PDE4D: variants seen among roughly 807,000 people sequenced by gnomAD.
PDE4D encodes the protein 3',5'-cyclic-AMP phosphodiesterase 4D.
A neutral mutation model predicts 87.4 loss-of-function variants in PDE4D; 24 were observed. That is an observed-to-expected ratio of 0.27 (90% confidence interval 0.20 to 0.39). PDE4D has a LOEUF of 0.39. Ranked by LOEUF, PDE4D falls within the 10% of genes least tolerant of loss-of-function variation. The pLI is 1.00. For missense variants in PDE4D, 714 were observed against 1,041.0 expected, an observed-to-expected ratio of 0.69 and a Z score of 4.32; for synonymous variants, 384 against 383.2, an observed-to-expected ratio of 1.00 and a Z score of -0.02.
At chr5:59,627,485 A>T (rs1490327327) in intron 1 of PDE4D, among the ~76,000 whole-genome samples, 1 of 152,174 alleles carries the variant, frequency 6.6e-6, no homozygotes, top group African/African-American at 2.4e-5. Context: ...ATTTTATATA[A>T]GCAATATGCT....
chr5:60,105,947 A>G (rs190200379), intron 2 of PDE4D, among the ~76,000 whole-genome samples: 23 of 152,376 alleles, frequency 1.5e-4, no homozygotes, highest in African/African-American at 5.5e-4. Context: ...AGACCGCATC[A>G]ACTAATGAGC....
chr5:59,885,504 G>C (rs970222445), intron 1 of PDE4D, among the ~76,000 whole-genome samples: 3 of 152,098 alleles, frequency 2.0e-5, no homozygotes, highest in Non-Finnish European at 4.4e-5. Flanking sequence ...CCTTAGTGAA[G>C]CAGTCAATAA....
intron 1 of PDE4D, among the ~76,000 whole-genome samples, chr5:59,668,504 G>T (rs1428704510): frequency 1.3e-5 from 2 of 152,020 alleles, no homozygotes; most frequent in African/African-American, 2.4e-5. Flanking sequence ...GAGTTCAAAA[G>T]TTCAAGACCA....
At chr5:59,729,426 T>A (rs914107096) in intron 1 of PDE4D, among the ~76,000 whole-genome samples, 1 of 152,124 alleles carries the variant, frequency 6.6e-6, no homozygotes, top group Admixed American at 6.6e-5. Context: ...TTACCATTTT[T>A]AAAATTTATA....
chr5:59,021,198 A>AAT (rs1755094063), intron 6 of PDE4D, among the ~76,000 whole-genome samples: 1 of 152,180 alleles, frequency 6.6e-6, no homozygotes, highest in African/African-American at 2.4e-5. Context: ...TCTCAACTTC[A>AAT]ATAAGAGTCT....
intron 3 of PDE4D, among the ~76,000 whole-genome samples, chr5:59,913,982 CT>C (rs1304756232): frequency 5.3e-5 from 8 of 152,132 alleles, no homozygotes; most frequent in African/African-American, 1.9e-4. Context: ...TCTATTTCAC[CT>C]TCTTAAATAT....
chr5:59,965,338 T>C (rs1759921329), intron 3 of PDE4D, among the ~76,000 whole-genome samples: 1 of 152,188 alleles, frequency 6.6e-6, no homozygotes, highest in South Asian at 2.1e-4. Flanking sequence ...AGAGAAACTC[T>C]AGCAGCATGG....
At chr5:59,593,115 A>G (rs1188837394) in intron 1 of PDE4D, among the ~76,000 whole-genome samples, 1 of 152,046 alleles carries the variant, frequency 6.6e-6, no homozygotes, top group Non-Finnish European at 1.5e-5. Context: ...AAAAGAAAAA[A>G]TACAAATAAT....
chr5:60,134,690 T>TGTTGTAATGCCTA (rs1779880770), intron 2 of PDE4D, among the ~76,000 whole-genome samples: 1 of 152,216 alleles, frequency 6.6e-6, no homozygotes. Flanking sequence ...TCTCTAGATT[T>TGTTGTAATGCCTA]GTTGTAATGC....
chr5:60,126,132 T>A (rs1357136186), intron 2 of PDE4D, among the ~76,000 whole-genome samples: 1 of 151,614 alleles, frequency 6.6e-6, no homozygotes, highest in East Asian at 1.9e-4. Flanking sequence ...TAAATTGTAA[T>A]ACATATTCAA....
intron 2 of PDE4D, among the ~76,000 whole-genome samples, chr5:60,058,292 TTTTTG>T (rs1771003604): frequency 1.3e-5 from 2 of 152,080 alleles, no homozygotes; most frequent in South Asian, 4.1e-4. Context: ...TGTTCTGAGT[TTTTTG>T]TTTTGTTTTG....
intron 1 of PDE4D, among the ~76,000 whole-genome samples, chr5:59,519,909 T>TACACACAC (rs34234985): frequency 3.3e-5 from 5 of 151,194 alleles, no homozygotes; most frequent in Non-Finnish European, 5.9e-5. Context: ...ACCCCCCAAA[T>TACACACAC]ACACACACAC....
chr5:59,077,475 C>CT (rs33910828), intron 5 of PDE4D, among the ~76,000 whole-genome samples: 41,165 of 130,828 alleles, frequency 0.31, 6,930 homozygotes, highest in East Asian at 0.68. Context: ...TTTTTTTCTT[C>CT]TTTTTTTTTT....
intron 2 of PDE4D, among the ~76,000 whole-genome samples, chr5:59,211,298 A>G (rs1359939763): frequency 2.0e-5 from 3 of 152,210 alleles, no homozygotes; most frequent in Non-Finnish European, 2.9e-5. Context: ...TCTGAGCAGA[A>G]GTGGTCAGGA....
At chr5:59,086,448 T>C (rs150975568) in intron 5 of PDE4D, among the ~76,000 whole-genome samples, 234 of 152,322 alleles carry the variant, frequency 1.5e-3, no homozygotes, top group African/African-American at 5.6e-3. Flanking sequence ...CCTAAATTTC[T>C]GCCTACTTCT....
At chr5:59,923,230 A>G (rs904659921) in intron 3 of PDE4D, among the ~76,000 whole-genome samples, 1 of 152,200 alleles carries the variant, frequency 6.6e-6, no homozygotes, top group South Asian at 2.1e-4. Context: ...TTCTCACTTC[A>G]GGTCCTGGCT....
chr5:59,944,168 G>T (rs1204848917), intron 3 of PDE4D, among the ~76,000 whole-genome samples: 4 of 152,220 alleles, frequency 2.6e-5, no homozygotes, highest in Admixed American at 6.5e-5. Context: ...GGAAGATTAA[G>T]AAGAGTCATG....
At chr5:60,505,774 G>A (rs1023717368) in intron 1 of PDE4D, among the ~76,000 whole-genome samples, 1 of 152,116 alleles carries the variant, frequency 6.6e-6, no homozygotes, top group Non-Finnish European at 1.5e-5. Flanking sequence ...TCAGTTAGAG[G>A]GTCTCCTGAT....
At chr5:59,220,532 A>G (rs1026150725) in intron 1 of PDE4D, among the ~76,000 whole-genome samples, 2 of 151,892 alleles carry the variant, frequency 1.3e-5, no homozygotes, top group African/African-American at 2.4e-5. Flanking sequence ...TTGAGTAGGG[A>G]GGTTAGTTGT....
Sources: gnomAD v4.1 joint callset for allele counts (sites outside exome capture counted in the v4.1 genomes callset) on GRCh38, gnomAD v4.1.1 for gene constraint, MANE v1.5 for transcripts, NCBI Gene and HGNC (gene_info 2026-07-23, HGNC 2026-07-21) for gene names.